The following TNNI3K variants were observed in gnomAD, a reference collection of about 807,000 sequenced individuals.
TNNI3K encodes the protein TNNI3 interacting kinase.
In TNNI3K, 140 loss-of-function variants were observed where a neutral mutation model predicts 114.5. The observed-to-expected ratio is 1.22, with a 90% confidence interval of 1.07 to 1.41. TNNI3K has a LOEUF of 1.41. Among genes scored for constraint, TNNI3K ranks in the 40% most tolerant of loss-of-function variants. TNNI3K has a pLI of 0.00. For missense variants in TNNI3K, 1,125 were observed against 1,007.6 expected, an observed-to-expected ratio of 1.12 and a Z score of -1.58; for synonymous variants, 347 against 347.5, an observed-to-expected ratio of 1.00 and a Z score of 0.02.
chr1:74,524,514 A>T (rs964314216), intron 23 of TNNI3K, among the ~76,000 whole-genome samples: 1 of 152,234 alleles, frequency 6.6e-6, no homozygotes, highest in Non-Finnish European at 1.5e-5. Flanking sequence ...AGGAAAATGC[A>T]TTAGGAAAAA....
chr1:74,262,615 T>G (rs80307559), intron 4 of TNNI3K, among the ~76,000 whole-genome samples: 542 of 152,210 alleles, frequency 3.6e-3, no homozygotes, highest in Non-Finnish European at 4.3e-3. Flanking sequence ...GTGATGACTT[T>G]TAAACACTTT....
At position 74,370,278 on chromosome 1, in the gene TNNI3K, T is replaced by A; in HGVS notation, c.1668-10T>A. The A allele has an allele frequency of 6.3e-7, 1 of 1,581,074 alleles. No individual in the cohort carries two copies. On this transcript the variant is annotated splice_polypyrimidine_tract_variant and intron_variant, in intron 16 of 24. Coordinates refer to ENST00000326637, the MANE Select transcript of TNNI3K (RefSeq NM_015978.3). ...ATTTCATCTCTGTTAAATCTATTTT[T>A]AAATTCTAGGATTCTTGATTTGCAG...
intron 5 of TNNI3K, 76 bp downstream of exon 5, chr1:74,271,784 T>C: frequency 1.6e-6 from 2 of 1,273,932 alleles, no homozygotes; most frequent in Non-Finnish European, 2.2e-6. Flanking sequence ...TGTTTTGAAA[T>C]ACTGTCTTTG....
intron 21 of TNNI3K, chr1:74,470,627 A>C (rs900092018): frequency 1.7e-5 from 7 of 400,534 alleles, no homozygotes; most frequent in Admixed American, 4.4e-5. Context: ...TCTGTTTTTG[A>C]AAGTTTTTTT....
At chr1:74,236,808 A>G (rs1433703179) in intron 2 of TNNI3K, among the ~76,000 whole-genome samples, 2 of 151,990 alleles carry the variant, frequency 1.3e-5, no homozygotes, top group East Asian at 1.9e-4. Context: ...AAATGTTCAG[A>G]AAAGAGGAGC....
At chr1:74,471,985 T>G (rs2100739174) in intron 21 of TNNI3K, 1 of 632,672 alleles carries the variant, frequency 1.6e-6, no homozygotes, top group Non-Finnish European at 2.9e-6. Flanking sequence ...TGATCTATTT[T>G]TTTGTACGAT....
At chr1:74,371,933 C>T (rs753138335) in intron 17 of TNNI3K, 1 of 151,230 alleles carries the variant, frequency 6.6e-6, no homozygotes, top group Non-Finnish European at 1.5e-5. Context: ...AGAATTTCAC[C>T]GGTGGCAGTG....
rs189751458 is a variant in TNNI3K, at chr1:74,298,254, A to G, written c.444+26546A>G. Among the ~76,000 whole-genome samples, 277 of 152,320 alleles carry G rather than the reference A, an allele frequency of 1.8e-3. 1 individual carries two copies. The highest frequency in any genetic ancestry group is 1.8e-3 in the Non-Finnish European group (125 of 68,008). On this transcript the variant is annotated intron_variant, in intron 5 of 24. Coordinates refer to ENST00000326637, the MANE Select transcript of TNNI3K (RefSeq NM_015978.3). ...AAAGTAAAAATTAGAGGCACACAACATGTAACCTGATACTGAGTTTGAGTA... is the reference window on the plus strand; with the variant it reads ...AAAGTAAAAATTAGAGGCACACAACGTGTAACCTGATACTGAGTTTGAGTA...
chr1:74,531,361 A>T (rs964560993), intron 23 of TNNI3K, among the ~76,000 whole-genome samples: 1 of 152,246 alleles, frequency 6.6e-6, no homozygotes, highest in African/African-American at 2.4e-5. Context: ...TAAATTAGCA[A>T]ATGGCCATTC....
chr1:74,371,421 A>T (rs988416925), intron 17 of TNNI3K: 2 of 151,840 alleles, frequency 1.3e-5, no homozygotes, highest in Non-Finnish European at 2.9e-5. Context: ...AATAAGTTAT[A>T]TACAAGATTT....
chr1:74,359,249 C>T (rs1238129540), intron 11 of TNNI3K, among the ~76,000 whole-genome samples: 9 of 152,082 alleles, frequency 5.9e-5, no homozygotes, highest in East Asian at 1.9e-4. Context: ...AGAATTCTGA[C>T]GAGGTTTAAG....
intron 11 of TNNI3K, among the ~76,000 whole-genome samples, chr1:74,359,717 C>A (rs569472518): frequency 6.6e-6 from 1 of 151,990 alleles, no homozygotes; most frequent in African/African-American, 2.4e-5. Context: ...ATTTGCAAGC[C>A]TCTTTCCTAC....
chr1:74,240,997 C>T (rs1654163229), intron 2 of TNNI3K, among the ~76,000 whole-genome samples: 1 of 151,936 alleles, frequency 6.6e-6, no homozygotes, highest in African/African-American at 2.4e-5. Context: ...TACTCAATTC[C>T]CACCTGTGAG....
At chr1:74,248,520 T>C (rs1040021982) in intron 2 of TNNI3K, among the ~76,000 whole-genome samples, 4 of 152,240 alleles carry the variant, frequency 2.6e-5, no homozygotes, top group Admixed American at 2.0e-4. Flanking sequence ...GCATGTGATA[T>C]GCAATCAAAA....
At chr1:74,323,792 T>C (rs1388372164) in intron 5 of TNNI3K, among the ~76,000 whole-genome samples, 1 of 152,166 alleles carries the variant, frequency 6.6e-6, no homozygotes, top group Non-Finnish European at 1.5e-5. Context: ...TGCTAAGTGC[T>C]TTACATGTAT....
chr1:74,487,438 T>C (rs1263658337), intron 21 of TNNI3K, among the ~76,000 whole-genome samples: 1 of 152,166 alleles, frequency 6.6e-6, no homozygotes, highest in African/African-American at 2.4e-5. Context: ...TAATAGGCTC[T>C]CTGAATAGTA....
chr1:74,450,425 G>T (rs537140988), intron 20 of TNNI3K, among the ~76,000 whole-genome samples: 1 of 152,202 alleles, frequency 6.6e-6, no homozygotes, highest in African/African-American at 2.4e-5. Context: ...CTAAACTAAA[G>T]AACTTCTGCA....
chr1:74,492,348 T>G, intron 23 of TNNI3K, 82 bp downstream of exon 23: 1 of 1,348,870 alleles, frequency 7.4e-7, no homozygotes, highest in Admixed American at 2.6e-5. Context: ...TGATTACTAT[T>G]AACAGGGTTT....
At chr1:74,241,365 A>G (rs1233803883) in intron 2 of TNNI3K, among the ~76,000 whole-genome samples, 1 of 152,234 alleles carries the variant, frequency 6.6e-6, no homozygotes, top group Non-Finnish European at 1.5e-5. Flanking sequence ...ACTGACTTCC[A>G]CAATGGTTGA....
Sources: allele counts gnomAD v4.1 joint callset (sites outside exome capture counted in the v4.1 genomes callset), GRCh38; gene constraint gnomAD v4.1.1; transcripts MANE v1.5; gene names NCBI Gene and HGNC (gene_info 2026-07-23, HGNC 2026-07-21).